RREB1: variants seen among roughly 807,000 people sequenced by gnomAD.
RREB1 encodes ras responsive element binding protein 1.
In RREB1, 27 loss-of-function variants were observed where a neutral mutation model predicts 117.8. That is an observed-to-expected ratio of 0.23 (90% CI 0.17 to 0.32). The LOEUF (loss-of-function observed/expected upper bound fraction) is 0.32, where lower values mean the gene tolerates loss of function less well. Among genes scored for constraint, RREB1 ranks in the 10% least tolerant of loss-of-function variants. RREB1 has a pLI of 1.00. For synonymous variants in RREB1, 1,298 were observed against 1,026.7 expected (o/e 1.26, Z -5.05); for missense variants, 2,577 against 2,378.2 (o/e 1.08, Z -1.74).
intron 10 of RREB1, among the ~76,000 whole-genome samples, chr6:7,234,460 T>TA (rs1436550975): frequency 6.6e-6 from 1 of 152,232 alleles, no homozygotes; most frequent in African/African-American, 2.4e-5. Context: ...AGGTGCCTGA[T>TA]ATGTGTTCCC....
At chr6:7,148,251 C>A (rs1762961078) in intron 1 of RREB1, among the ~76,000 whole-genome samples, 1 of 152,120 alleles carries the variant, frequency 6.6e-6, no homozygotes, top group African/African-American at 2.4e-5. Flanking sequence ...ACAGCCCTGG[C>A]CACCTTGTCT....
At chr6:7,225,713 G>A (rs766191880) in intron 8 of RREB1, among the ~76,000 whole-genome samples, 9 of 152,290 alleles carry the variant, frequency 5.9e-5, no homozygotes, top group Non-Finnish European at 1.0e-4. Flanking sequence ...AGCATGGGTG[G>A]GAGCAGGAAC....
In RREB1 at chr6:7,231,273, GA is replaced by G. The variant is rs1301348357; in HGVS notation, c.3175del (p.Thr1059GlnfsTer24). 1 of 1,611,798 alleles carries G rather than the reference GA, an allele frequency of 6.2e-7. No individual in the cohort carries two copies. The highest frequency in any genetic ancestry group is 1.3e-5 in the African/African-American group (1 of 74,924). ...PPLLLPKPPVTEELPPLASIA... is the reference protein window; with the variant it reads ...PPLLLPKPPVXEELPPLASIA... ...CGCTGCTTTTGCCAAAGCCCCCCGT[GA>G]CAGAAGAGCTGCCCCCGCTGGCCTC... On this transcript the variant is annotated frameshift_variant, in exon 10 of 13. Transcript: ENST00000379938. LOFTEE classifies it high-confidence loss of function.
At chr6:7,133,397 G>C (rs1285917741) in intron 1 of RREB1, among the ~76,000 whole-genome samples, 16 of 152,028 alleles carry the variant, frequency 1.1e-4, no homozygotes, top group Admixed American at 1.0e-3. Flanking sequence ...ATCAAAATCA[G>C]GACTGTTTAA....
intron 6 of RREB1, among the ~76,000 whole-genome samples, chr6:7,199,532 A>G (rs1026021107): frequency 6.6e-6 from 1 of 152,136 alleles, no homozygotes; most frequent in Non-Finnish European, 1.5e-5. Flanking sequence ...CTGAATTTCC[A>G]TGGCCAAGTT....
intron 6 of RREB1, among the ~76,000 whole-genome samples, chr6:7,209,824 T>A (rs1446146599): frequency 2.0e-5 from 3 of 152,234 alleles, no homozygotes; most frequent in African/African-American, 7.2e-5. Context: ...TCCCTACTCC[T>A]GAGAATTTCT....
chr6:7,247,479 C>T (rs952443964), intron 12 of RREB1, among the ~76,000 whole-genome samples: 8 of 152,172 alleles, frequency 5.3e-5, no homozygotes, highest in Admixed American at 2.0e-4. Flanking sequence ...CCGCCTTTAG[C>T]TCTGCTGCCT....
rs1311213263 is a variant in RREB1 at position 7,230,142 on chromosome 6, C to A, written c.2043C>A (p.Ala681=). ...GCAACATCTGCGACTACATCGCCGCCGACAAGGCCGCGCTCATCCGCCACC... is the reference window on the plus strand; with the variant it reads ...GCAACATCTGCGACTACATCGCCGCAGACAAGGCCGCGCTCATCCGCCACC... ...YQCNICDYIA[A]DKAALIRHLR... is the part of the protein sequence containing the mutation. Residue 681 remains alanine, a synonymous_variant, in exon 10 of 13, where the codon GCC becomes GCA. Coordinates refer to ENST00000379938, the MANE Select transcript of RREB1 (RefSeq NM_001003699.4). The A allele has an allele frequency of 6.2e-7, 1 of 1,605,058 alleles. No homozygotes were observed.
chr6:7,189,368 G>A (rs1440968478), intron 6 of RREB1, 46 bp downstream of exon 6: 2 of 1,520,872 alleles, frequency 1.3e-6, no homozygotes, highest in Non-Finnish European at 8.9e-7. Context: ...GGTACTTGGA[G>A]GTTGGCAGGC....
chr6:7,171,422 G>A (rs551648329), intron 1 of RREB1, among the ~76,000 whole-genome samples: 55 of 152,296 alleles, frequency 3.6e-4, no homozygotes, highest in Admixed American at 2.7e-3. Context: ...GTCAGAGAAC[G>A]TGACTAAGGG....
At chr6:7,219,542 A>G (rs1396332491) in intron 8 of RREB1, among the ~76,000 whole-genome samples, 2 of 152,160 alleles carry the variant, frequency 1.3e-5, no homozygotes, top group Non-Finnish European at 1.5e-5. Context: ...GACAGCGTGG[A>G]GTTCACCAGC....
At chr6:7,201,302 A>T (rs1023436370) in intron 6 of RREB1, among the ~76,000 whole-genome samples, 2 of 152,202 alleles carry the variant, frequency 1.3e-5, no homozygotes, top group African/African-American at 4.8e-5. Context: ...TGAAACCTGC[A>T]GGGAGCTGGC....
intron 1 of RREB1, among the ~76,000 whole-genome samples, chr6:7,174,278 AAAAC>A (rs1273822778): frequency 6.6e-6 from 1 of 151,884 alleles, no homozygotes; most frequent in Admixed American, 6.6e-5. Flanking sequence ...AATAGAACCC[AAAAC>A]AAACAGCCTC....
At position 7,230,064 on chromosome 6, in the gene RREB1, G is replaced by A. The variant is rs548023559; in HGVS notation, c.1965G>A (p.Ser655=). 6.2e-6 allele frequency: 10 copies of A among 1,606,556 alleles called. No homozygotes were observed. Among genetic ancestry groups the A allele is most frequent in the Admixed American group, 5.0e-5 (3 of 59,442 alleles). Residue 655 remains serine, a synonymous_variant, in exon 10 of 13, where the codon TCG becomes TCA. Transcript: ENST00000379938. ...CRFCNQVFAF[S]GVLRAHVRSH... is the part of the protein sequence containing the mutation. ...TCTGCAACCAGGTGTTTGCCTTCTC[G>A]GGGGTCTTGCGTGCCCACGTGCGCT...
Position 7,229,145 on chromosome 6 carries a change from A to G in RREB1, c.1046A>G (p.Gln349Arg). The G allele has an allele frequency of 6.2e-7, 1 of 1,609,198 alleles. No individual in the cohort carries two copies. Residue 349 changes from glutamine to arginine, a missense_variant, in exon 10 of 13, where the codon CAG (glutamine) becomes CGG (arginine). Coordinates refer to ENST00000379938, the MANE Select transcript of RREB1 (RefSeq NM_001003699.4). This position sits in a 1 kb window ranked among gnomAD's most constrained non-coding sequence, Gnocchi z 4.5. ...VAADQGQEKP[Q>R]ATPLPGDALD... Reference sequence around the variant, plus strand: ...GCAGACCAGGGTCAAGAAAAGCCGCAGGCCACGCCCCTGCCTGGTGACGCC... The same window carrying G: ...GCAGACCAGGGTCAAGAAAAGCCGCGGGCCACGCCCCTGCCTGGTGACGCC...
intron 1 of RREB1, among the ~76,000 whole-genome samples, chr6:7,140,350 A>G (rs1439234984): frequency 6.6e-6 from 1 of 151,798 alleles, no homozygotes; most frequent in African/African-American, 2.4e-5. Context: ...GATTCTTAAG[A>G]CTCCTTTGAA....
rs181521191 is a variant in RREB1, at chr6:7,146,748, T to C, written c.-284-29907T>C. ...ACTCACATAGGCTATTTCTGGTGTG[T>C]CGTGGCTTTCTTCTTTCTTTTTTTT... On this transcript the variant is annotated intron_variant, in intron 1 of 12. Transcript: ENST00000379938. Among the ~76,000 whole-genome samples the C allele has an allele frequency of 3.6e-3, 552 of 151,260 alleles. 7 individuals carry two copies. The highest frequency in any genetic ancestry group is 0.019 in the Admixed American group (285 of 15,196).
At chr6:7,113,958 C>G (rs1761267692) in intron 1 of RREB1, among the ~76,000 whole-genome samples, 1 of 152,140 alleles carries the variant, frequency 6.6e-6, no homozygotes, top group South Asian at 2.1e-4. Flanking sequence ...ATTTTGAGCT[C>G]AGGAAGCTTT....
chr6:7,168,964 C>A (rs948881745), intron 1 of RREB1, among the ~76,000 whole-genome samples: 2 of 152,210 alleles, frequency 1.3e-5, no homozygotes, highest in Non-Finnish European at 2.9e-5. Context: ...AAGTGCCTAG[C>A]ATATTTCTAG....
Sources: gnomAD v4.1 joint callset for allele counts (sites outside exome capture counted in the v4.1 genomes callset) on GRCh38, gnomAD v4.1.1 for gene constraint, Gnocchi (gnomAD v3.1) non-coding constraint, MANE v1.5 for transcripts, NCBI Gene and HGNC (gene_info 2026-07-23, HGNC 2026-07-21) for gene names.